Variants in NBEA observed in about 807,000 individuals in gnomAD.
The protein encoded by NBEA is lysosomal-trafficking regulator 2.
Under a neutral mutation model 343.4 loss-of-function variants are expected in NBEA, and 44 were observed. The ratio of observed to expected loss-of-function variants is 0.13; its 90% CI spans 0.10 to 0.16. The LOEUF is 0.16. Ranked by LOEUF, NBEA falls within the 10% of genes least tolerant of loss-of-function variation. The pLI, the probability that NBEA is intolerant of heterozygous loss-of-function variation, is 1.00. For synonymous variants in NBEA, 1,175 were observed against 1,238.7 expected, an observed-to-expected ratio of 0.95 and a Z score of 1.08; for missense variants, 2,555 against 3,631.3, an observed-to-expected ratio of 0.70 and a Z score of 7.62.
At chr13:35,514,721 A>G (rs2077418603) in intron 41 of NBEA, among the ~76,000 whole-genome samples, 1 of 152,254 alleles carries the variant, frequency 6.6e-6, no homozygotes, top group Non-Finnish European at 1.5e-5. Context: ...AAAGAGGTCG[A>G]AAATAAATAA....
intron 8 of NBEA, among the ~76,000 whole-genome samples, chr13:35,065,499 A>G (rs533295620): frequency 2.0e-5 from 3 of 151,776 alleles, no homozygotes; most frequent in Non-Finnish European, 1.5e-5. Flanking sequence ...GCATCTTTTC[A>G]TATTTTAAGA....
chr13:35,208,614 T>C (rs1391578697), intron 31 of NBEA, 86 bp from the exon 32 acceptor site: 3 of 1,174,024 alleles, frequency 2.6e-6, no homozygotes, highest in African/African-American at 3.1e-5. Context: ...AGAAATTCGA[T>C]GTTGACTATG....
intron 1 of NBEA, among the ~76,000 whole-genome samples, chr13:34,968,885 CAATT>C (rs776254516): frequency 4.1e-4 from 55 of 133,296 alleles, no homozygotes; most frequent in East Asian, 7.8e-4. Flanking sequence ...TTATTAATAT[CAATT>C]GATTGTTAAT....
chr13:35,289,421 T>C (rs1032983576), intron 34 of NBEA, among the ~76,000 whole-genome samples: 7 of 151,870 alleles, frequency 4.6e-5, no homozygotes, highest in Non-Finnish European at 8.8e-5. Context: ...CCAAACATCA[T>C]AATTAACGTA....
At chr13:35,232,278 A>G (rs2075017832) in intron 33 of NBEA, among the ~76,000 whole-genome samples, 1 of 152,106 alleles carries the variant, frequency 6.6e-6, no homozygotes, top group African/African-American at 2.4e-5. Flanking sequence ...ATTCTTTTTC[A>G]TAGTATAGTC....
At chr13:34,988,180 G>T (rs1037420360) in intron 1 of NBEA, among the ~76,000 whole-genome samples, 3 of 150,878 alleles carry the variant, frequency 2.0e-5, no homozygotes, top group African/African-American at 7.3e-5. Context: ...GTCCCAGAGG[G>T]TTACCCGCCT....
At chr13:35,536,391 G>T (rs563202875) in intron 41 of NBEA, among the ~76,000 whole-genome samples, 1 of 152,114 alleles carries the variant, frequency 6.6e-6, no homozygotes, top group South Asian at 2.1e-4. Flanking sequence ...AACATAAAGT[G>T]TGGAAATGTT....
chr13:35,069,799 A>G (rs2063797566), intron 8 of NBEA, 109 bp from the exon 9 acceptor site: 3 of 668,824 alleles, frequency 4.5e-6, no homozygotes, highest in East Asian at 3.1e-5. Flanking sequence ...TCCCTGACAC[A>G]TGAAAGGTAC....
intron 35 of NBEA, among the ~76,000 whole-genome samples, chr13:35,304,719 T>G (rs1374979049): frequency 6.6e-6 from 1 of 152,160 alleles, no homozygotes; most frequent in East Asian, 1.9e-4. Context: ...CTCTTTATGG[T>G]TCTGTAAAAC....
At chr13:34,977,808 TTTTAA>T (rs772396917) in intron 1 of NBEA, among the ~76,000 whole-genome samples, 6 of 141,572 alleles carry the variant, frequency 4.2e-5, no homozygotes, top group Non-Finnish European at 9.5e-5. Flanking sequence ...AAGGATACAC[TTTTAA>T]TTTAAAGTTC....
chr13:35,591,896 T>C (rs1355585105), intron 46 of NBEA, among the ~76,000 whole-genome samples: 1 of 152,058 alleles, frequency 6.6e-6, no homozygotes, highest in African/African-American at 2.4e-5. Context: ...CTTAGCATTA[T>C]TGAACCTGGG....
chr13:35,222,214 TA>T (rs1195109214), intron 33 of NBEA, among the ~76,000 whole-genome samples: 58 of 152,244 alleles, frequency 3.8e-4, no homozygotes, highest in African/African-American at 1.3e-3. Flanking sequence ...GAAAAATGTG[TA>T]ACTTTTTGGT....
chr13:35,188,864 C>T (rs1205935336), intron 30 of NBEA, among the ~76,000 whole-genome samples: 1 of 151,236 alleles, frequency 6.6e-6, no homozygotes, highest in African/African-American at 2.4e-5. Context: ...GCAAGGGTTC[C>T]CTTTTCTTCA....
chr13:35,151,396 A>T (rs2068776187), intron 18 of NBEA, among the ~76,000 whole-genome samples: 1 of 152,050 alleles, frequency 6.6e-6, no homozygotes, highest in African/African-American at 2.4e-5. Flanking sequence ...ATACAAAATT[A>T]GCCAGGCGTG....
Position 35,041,070 on chromosome 13 carries a change from A to G in NBEA, c.432A>G (p.Leu144=), listed in dbSNP as rs1361742042. Residue 144 remains leucine (L), a synonymous_variant, in exon 2 of 59, where the codon CTA becomes CTG. Transcript: ENST00000379939. ...AEIWSMFTAI[L]RKSVRNLQTS... ...TATGGAGCATGTTTACAGCCATTCT[A>G]CGAAAAAGTGTTCGGAATTTACAGA... The G allele has an allele frequency of 6.2e-7, 1 of 1,613,238 alleles. No individual in the cohort carries two copies.
intron 1 of NBEA, among the ~76,000 whole-genome samples, chr13:35,023,718 A>G (rs2061924131): frequency 6.6e-6 from 1 of 152,216 alleles, no homozygotes; most frequent in African/African-American, 2.4e-5. Flanking sequence ...CACAAAGTAG[A>G]ACATGGCAGA....
At chr13:35,130,060 T>C (rs189816341) in intron 17 of NBEA, among the ~76,000 whole-genome samples, 5 of 152,180 alleles carry the variant, frequency 3.3e-5, no homozygotes, top group Admixed American at 3.3e-4. Context: ...ATGGAACAAA[T>C]GATATATTTT....
intron 34 of NBEA, among the ~76,000 whole-genome samples, chr13:35,266,338 ATG>A (rs1234823538): frequency 6.6e-6 from 1 of 151,868 alleles, no homozygotes; most frequent in Non-Finnish European, 1.5e-5. Flanking sequence ...TCTACTGGGT[ATG>A]TATCCAAAGG....
chr13:35,103,472 T>G (rs1163143567), intron 11 of NBEA, among the ~76,000 whole-genome samples: 1 of 151,684 alleles, frequency 6.6e-6, no homozygotes, highest in Non-Finnish European at 1.5e-5. Flanking sequence ...TTCTAAATTC[T>G]GATGACTGTT....
Sources: allele counts gnomAD v4.1 joint callset (sites outside exome capture counted in the v4.1 genomes callset), GRCh38; gene constraint gnomAD v4.1.1; transcripts MANE v1.5; gene names NCBI Gene and HGNC (gene_info 2026-07-23, HGNC 2026-07-21).